The following CDK8 variants were observed in gnomAD, a reference collection of about 807,000 sequenced individuals.
CDK8 encodes cyclin dependent kinase 8.
In CDK8, 29 loss-of-function variants were observed where a neutral mutation model predicts 71.5. The ratio of observed to expected loss-of-function variants is 0.41; its 90% CI spans 0.30 to 0.55. The LOEUF (loss-of-function observed/expected upper bound fraction) is 0.55, where lower values mean the gene tolerates loss of function less well. CDK8 is among the 20% of genes least tolerant of loss of function. The pLI is 0.37. For synonymous variants in CDK8, 161 were observed against 192.1 expected (o/e 0.84, Z 1.34); for missense variants, 288 against 572.6 (o/e 0.50, Z 5.07).
intron 1 of CDK8, among the ~76,000 whole-genome samples, chr13:26,321,553 C>T (rs545080316): frequency 2.6e-5 from 4 of 151,690 alleles, no homozygotes; most frequent in Non-Finnish European, 5.9e-5. Context: ...CATATTTTAC[C>T]ACAATTAAAA....
chr13:26,347,921 A>G (rs940949586), intron 2 of CDK8, among the ~76,000 whole-genome samples: 8 of 152,120 alleles, frequency 5.3e-5, no homozygotes, highest in African/African-American at 1.9e-4. Context: ...TTGATCCAGG[A>G]TTTCCACTTT....
intron 4 of CDK8, among the ~76,000 whole-genome samples, chr13:26,365,280 AC>A (rs1874334049): frequency 6.6e-6 from 1 of 152,160 alleles, no homozygotes; most frequent in Admixed American, 6.5e-5. Flanking sequence ...AAGTATTCTT[AC>A]TTAAATGACC....
chr13:26,390,701 A>G (rs1875706821), intron 6 of CDK8, among the ~76,000 whole-genome samples: 2 of 152,236 alleles, frequency 1.3e-5, no homozygotes, highest in African/African-American at 4.8e-5. Flanking sequence ...AGTGGGAAAT[A>G]CACATTAAAA....
chr13:26,275,873 C>CTT lies in CDK8; in HGVS notation c.128+21113_128+21114dup, dbSNP rs376193926. Among the ~76,000 whole-genome samples the CTT allele has an allele frequency of 6.4e-3, 961 of 149,762 alleles. 12 individuals carry two copies. The highest frequency in any genetic ancestry group is 0.021 in the African/African-American group (864 of 40,956). Reference sequence around the variant, plus strand: ...TTTGGTGTTATTGCATTGGCTCTAACTTTTTTTTTTGAGACAGTCTCACTC... The same window carrying CTT: ...TTTGGTGTTATTGCATTGGCTCTAACTTTTTTTTTTTTGAGACAGTCTCACTC... On this transcript the variant is annotated intron_variant, in intron 1 of 12. Coordinates refer to ENST00000381527, the MANE Select transcript of CDK8 (RefSeq NM_001260.3).
chr13:26,362,543 G>A (rs1441563970), intron 4 of CDK8, among the ~76,000 whole-genome samples: 3 of 152,084 alleles, frequency 2.0e-5, no homozygotes, highest in African/African-American at 7.2e-5. Context: ...GGAGAAGAAA[G>A]GTATCCCAGC....
chr13:26,371,279 T>C (rs1874671696), intron 4 of CDK8, among the ~76,000 whole-genome samples: 1 of 152,204 alleles, frequency 6.6e-6, no homozygotes, highest in Non-Finnish European at 1.5e-5. Context: ...CAACATTTTA[T>C]AGATGAAGAA....
At chr13:26,355,552 T>G (rs1873858986) in intron 4 of CDK8, among the ~76,000 whole-genome samples, 2 of 152,208 alleles carry the variant, frequency 1.3e-5, no homozygotes, top group Non-Finnish European at 2.9e-5. Flanking sequence ...AAGCTGAGGT[T>G]GCAGTGAGCC....
intron 4 of CDK8, among the ~76,000 whole-genome samples, chr13:26,380,752 A>T (rs1227153133): frequency 6.6e-6 from 1 of 152,214 alleles, no homozygotes; most frequent in Non-Finnish European, 1.5e-5. Flanking sequence ...AAGTGCTGGC[A>T]TTACAGGCGT....
intron 1 of CDK8, among the ~76,000 whole-genome samples, chr13:26,282,374 C>G (rs549897215): frequency 2.6e-5 from 4 of 152,292 alleles, no homozygotes; most frequent in Admixed American, 6.5e-5. Flanking sequence ...GATTTCTCAG[C>G]AGAACCCCTA....
In CDK8 at chr13:26,389,726, G is replaced by A. The variant is rs559022076; in HGVS notation, c.647-3641G>A. Among the ~76,000 whole-genome samples the A allele has an allele frequency of 3.3e-5, 5 of 151,924 alleles. No homozygotes were observed. The South Asian group carries it at 1.0e-3, about 32-fold the overall frequency. ...AGTTTCTAAAAATAAGGTCAGGCAC[G>A]GTGGCTCACACCTGTAATCCCAGCA... is the stretch of plus-strand genomic sequence containing the variant. On this transcript the variant is annotated intron_variant, in intron 6 of 12. Coordinates refer to ENST00000381527, the MANE Select transcript of CDK8 (RefSeq NM_001260.3).
At chr13:26,395,442 C>T (rs1051727467) in intron 7 of CDK8, among the ~76,000 whole-genome samples, 14 of 150,296 alleles carry the variant, frequency 9.3e-5, no homozygotes, top group South Asian at 2.1e-4. Context: ...GAGATCGCAC[C>T]ATTGCACTCC....
chr13:26,333,489 T>A (rs931676939), intron 1 of CDK8, among the ~76,000 whole-genome samples: 1 of 152,170 alleles, frequency 6.6e-6, no homozygotes, highest in Non-Finnish European at 1.5e-5. Flanking sequence ...AGAAAATAAT[T>A]AGTTATTAGT....
At chr13:26,293,708 G>A (rs1175688) in intron 1 of CDK8, among the ~76,000 whole-genome samples, 125,891 of 151,578 alleles carry the variant, frequency 0.83, 53,903 homozygotes, top group East Asian at 0.99. Context: ...GATAAATATT[G>A]TATATATTTA....
At chr13:26,376,600 AT>A (rs1874964612) in intron 4 of CDK8, among the ~76,000 whole-genome samples, 1 of 152,204 alleles carries the variant, frequency 6.6e-6, no homozygotes, top group African/African-American at 2.4e-5. Context: ...TCCATGTTGC[AT>A]TTTTAAGGAA....
intron 1 of CDK8, among the ~76,000 whole-genome samples, chr13:26,268,291 AC>A (rs1872131039): frequency 6.6e-6 from 1 of 150,618 alleles, no homozygotes; most frequent in Non-Finnish European, 1.5e-5. Flanking sequence ...ACACACACAC[AC>A]ACACACACAC....
chr13:26,354,510 T>C (rs1873811746), intron 4 of CDK8, among the ~76,000 whole-genome samples: 1 of 152,150 alleles, frequency 6.6e-6, no homozygotes, highest in African/African-American at 2.4e-5. Context: ...CACAGACCAG[T>C]CCATGGCTCA....
intron 7 of CDK8, 43 bp downstream of exon 7, chr13:26,393,553 G>C: frequency 6.3e-7 from 1 of 1,598,414 alleles, no homozygotes; most frequent in South Asian, 1.1e-5. Context: ...AATCACTGTT[G>C]TTTGAACTTA....
At position 26,404,194 on chromosome 13, in the gene CDK8, A is replaced by G. The variant is rs1876406079; in HGVS notation, c.*113A>G. The G allele has an allele frequency of 1.6e-6, 2 of 1,245,322 alleles. No homozygotes were observed. The highest frequency in any genetic ancestry group is 3.0e-5 in the African/African-American group (2 of 67,218). The allele number at this position is 1,245,322 out of a possible 1,614,324, so 77.1% of individuals were successfully genotyped here. Reference sequence around the variant, plus strand: ...GAATGTACTGTACAACCACATCTTCAAAATGTCCAGTAGCCAAGTTCCACC... The same window carrying G: ...GAATGTACTGTACAACCACATCTTCGAAATGTCCAGTAGCCAAGTTCCACC... On this transcript the variant is annotated 3_prime_UTR_variant, in exon 13 of 13. Coordinates refer to ENST00000381527, the MANE Select transcript of CDK8 (RefSeq NM_001260.3).
chr13:26,279,046 G>A (rs1314748480), intron 1 of CDK8, among the ~76,000 whole-genome samples: 1 of 152,038 alleles, frequency 6.6e-6, no homozygotes, highest in Non-Finnish European at 1.5e-5. Context: ...TATCTGCTGG[G>A]AGGTCCTGGA....
Sources: allele counts gnomAD v4.1 joint callset (sites outside exome capture counted in the v4.1 genomes callset), GRCh38; gene constraint gnomAD v4.1.1; transcripts MANE v1.5; gene names NCBI Gene and HGNC (gene_info 2026-07-23, HGNC 2026-07-21).